MAP9: variants seen among roughly 807,000 people sequenced by gnomAD.
The protein encoded by MAP9 is microtubule associated protein 9.
MAP9 carries 80 observed loss-of-function variants against 75.2 expected under a neutral mutation model. That is an observed-to-expected ratio of 1.06 (90% CI 0.89 to 1.28). The LOEUF (loss-of-function observed/expected upper bound fraction) is 1.28, where lower values mean the gene tolerates loss of function less well. MAP9 is among the 50% of genes most tolerant of loss of function. MAP9 has a pLI of 0.00. For synonymous variants in MAP9, 235 were observed against 237.3 expected (o/e 0.99, Z 0.09); for missense variants, 753 against 719.9 (o/e 1.05, Z -0.53).
In MAP9 at chr4:155,355,888, A is replaced by T; in HGVS notation, c.1122-4T>A. On this transcript the variant is annotated splice_polypyrimidine_tract_variant and splice_region_variant and intron_variant, in intron 8 of 13. Coordinates refer to ENST00000311277, the MANE Select transcript of MAP9 (RefSeq NM_001039580.2). Reference sequence around the variant, plus strand: ...CAAAAACTCAGAGGTCATTAATCTGAAAAGATCCAAATGAATCAAGACAAA... The same window carrying T: ...CAAAAACTCAGAGGTCATTAATCTGTAAAGATCCAAATGAATCAAGACAAA... The T allele has an allele frequency of 6.2e-7, 1 of 1,608,648 alleles. No homozygotes were observed. The highest frequency in any genetic ancestry group is 2.2e-5 in the East Asian group (1 of 44,782).
At chr4:155,372,127 T>C (rs1732626365) in intron 4 of MAP9, among the ~76,000 whole-genome samples, 1 of 152,204 alleles carries the variant, frequency 6.6e-6, no homozygotes, top group South Asian at 2.1e-4. Flanking sequence ...CTGGATATTA[T>C]TCTAGTGTTC....
intron 13 of MAP9, among the ~76,000 whole-genome samples, chr4:155,348,943 A>T (rs541608123): frequency 6.6e-6 from 1 of 152,276 alleles, no homozygotes; most frequent in Non-Finnish European, 1.5e-5. Flanking sequence ...CCCAACACAC[A>T]GATATGGTCC....
At chr4:155,350,286 T>C in intron 13 of MAP9, 1 of 449,814 alleles carries the variant, frequency 2.2e-6, no homozygotes, top group South Asian at 1.6e-5. Context: ...AGAACCGATC[T>C]GTAACATGTA....
intron 3 of MAP9, among the ~76,000 whole-genome samples, chr4:155,374,420 C>T (rs1218038984): frequency 6.6e-6 from 1 of 152,210 alleles, no homozygotes; most frequent in Non-Finnish European, 1.5e-5. Context: ...AATATGTTTA[C>T]ATAGCTAAGA....
chr4:155,356,552 A>C (rs910398176), intron 8 of MAP9, among the ~76,000 whole-genome samples: 1 of 152,176 alleles, frequency 6.6e-6, no homozygotes, highest in East Asian at 1.9e-4. Context: ...CACTCTTTTA[A>C]TATTTTCTTT....
intron 3 of MAP9, among the ~76,000 whole-genome samples, chr4:155,374,054 C>T (rs1732722589): frequency 6.6e-6 from 1 of 152,090 alleles, no homozygotes; most frequent in East Asian, 1.9e-4. Flanking sequence ...AAGAATAAAA[C>T]ACCAGGCCGG....
In MAP9 at chr4:155,346,767, T is replaced by A. The variant is rs1283416973; in HGVS notation, c.*1016A>T. 1 of 152,586 alleles carries A rather than the reference T, an allele frequency of 6.6e-6. No individual in the cohort carries two copies. The highest frequency in any genetic ancestry group is 2.4e-5 in the African/African-American group (1 of 41,446). 9.5% of individuals were successfully genotyped at this position (152,586 alleles called of 1,614,324 possible). A position where few individuals can be genotyped will look rare whatever the true frequency, so the allele number is the denominator to read the frequency against. On this transcript the variant is annotated 3_prime_UTR_variant, in exon 14 of 14. Coordinates refer to ENST00000311277, the MANE Select transcript of MAP9 (RefSeq NM_001039580.2). Reference sequence around the variant, plus strand: ...AACTGACTAATGCATTTCAGCTCCGTGAGCATACACTTGGTCTGTCTTAAA... The same window carrying A: ...AACTGACTAATGCATTTCAGCTCCGAGAGCATACACTTGGTCTGTCTTAAA...
intron 5 of MAP9, among the ~76,000 whole-genome samples, chr4:155,366,177 G>A (rs748928064): frequency 1.3e-4 from 19 of 151,994 alleles, no homozygotes; most frequent in African/African-American, 4.1e-4. Context: ...TGGCTAACGC[G>A]GTGAAACCCC....
Position 155,345,894 on chromosome 4 carries a change from A to C in MAP9, c.*1889T>G, listed in dbSNP as rs1202480662. 3 of 152,138 alleles carry C rather than the reference A, an allele frequency of 2.0e-5. No individual in the cohort carries two copies. Among genetic ancestry groups the C allele is most frequent in the Non-Finnish European group, 4.4e-5 (3 of 68,018 alleles). 9.4% of individuals were successfully genotyped at this position (152,138 alleles called of 1,614,324 possible). On this transcript the variant is annotated 3_prime_UTR_variant, in exon 14 of 14. Transcript: ENST00000311277. ...TCAGCTCTAAACAGCTAATACAATA[A>C]ACACTTTTAATCTATTTTGGCAGGC... is the stretch of plus-strand genomic sequence containing the variant.
At chr4:155,373,514 C>T (rs575212753) in intron 3 of MAP9, 58 bp from the exon 4 acceptor site, 12 of 1,164,868 alleles carry the variant, frequency 1.0e-5, no homozygotes, top group East Asian at 5.3e-5. Flanking sequence ...GTCAAGGTTA[C>T]GTTAACTTAA....
intron 3 of MAP9, 53 bp from the exon 4 acceptor site, chr4:155,373,509 G>T: frequency 8.1e-7 from 1 of 1,230,202 alleles, no homozygotes; most frequent in Non-Finnish European, 1.1e-6. Flanking sequence ...AAATTGTCAA[G>T]GTTACGTTAA....
chr4:155,348,727 G>A (rs1420484483), intron 13 of MAP9, among the ~76,000 whole-genome samples: 1 of 151,950 alleles, frequency 6.6e-6, no homozygotes, highest in Non-Finnish European at 1.5e-5. Flanking sequence ...TTAAATGTAT[G>A]GTATTTGCCT....
At chr4:155,352,275 T>G (rs1731545039) in intron 13 of MAP9, 2 of 242,546 alleles carry the variant, frequency 8.2e-6, no homozygotes, top group South Asian at 1.0e-4. Context: ...AGTAAACTTG[T>G]CTTCTTTCTA....
At chr4:155,375,436 C>G (rs967037764) in intron 2 of MAP9, among the ~76,000 whole-genome samples, 1 of 151,684 alleles carries the variant, frequency 6.6e-6, no homozygotes, top group Admixed American at 6.6e-5. Flanking sequence ...ATATTGCAAA[C>G]TTAGAGGCTG....
rs1315316768 is a variant in MAP9 at position 155,355,750 on chromosome 4, T to C, written c.1256A>G (p.Asp419Gly). ...KPSQKQSIEPDRADNIRAAVY... is the reference protein window; with the variant it reads ...KPSQKQSIEPGRADNIRAAVY... ...AGCTGCCCTTATGTTATCTGCTCTATCAGGTTCTATGCTCTGTTTCTGTGA... is the reference window on the plus strand; with the variant it reads ...AGCTGCCCTTATGTTATCTGCTCTACCAGGTTCTATGCTCTGTTTCTGTGA... Residue 419 changes from aspartate (D) to glycine (G), a missense_variant, in exon 9 of 14, where the codon GAT becomes GGT. Transcript: ENST00000311277. The C allele has an allele frequency of 1.2e-6, 2 of 1,613,694 alleles. No individual in the cohort carries two copies. Among genetic ancestry groups the C allele is most frequent in the Admixed American group, 1.7e-5 (1 of 59,936 alleles).
At chr4:155,375,111 G>T in intron 2 of MAP9, 90 bp from the exon 3 acceptor site, 1 of 915,248 alleles carries the variant, frequency 1.1e-6, no homozygotes, top group Non-Finnish European at 1.6e-6. Context: ...CTTGATTAAC[G>T]ACTGCTTTCA....
chr4:155,364,260 G>C (rs889549326), intron 5 of MAP9, among the ~76,000 whole-genome samples: 1 of 151,864 alleles, frequency 6.6e-6, no homozygotes, highest in African/African-American at 2.4e-5. Flanking sequence ...TGAAAACAAA[G>C]ATGAGACAAA....
rs1369219372 is a variant in MAP9, at chr4:155,344,916, T to C, written c.*2867A>G. On this transcript the variant is annotated 3_prime_UTR_variant, in exon 14 of 14. Coordinates refer to ENST00000311277, the MANE Select transcript of MAP9 (RefSeq NM_001039580.2). The stretch of plus-strand genomic sequence containing the variant: ...TTTGTTTTCTTTACTTTGAGATCTC[T>C]GCATTCTTTAAGTGATCAACGCAAT... The C allele has an allele frequency of 7.2e-5, 11 of 152,122 alleles. No homozygotes were observed. The highest frequency in any genetic ancestry group is 2.6e-4 in the African/African-American group (11 of 41,586). The allele number at this position is 152,122 out of a possible 1,614,324, so 9.4% of individuals were successfully genotyped here.
In MAP9 at chr4:155,346,479, A is replaced by G. The variant is rs1731290522; in HGVS notation, c.*1304T>C. ...GCTACAGAGAAGTGTGAAAAAGAGC[A>G]TAGAGATTTCAGAAGGAGGCAGATT... On this transcript the variant is annotated 3_prime_UTR_variant, in exon 14 of 14. Transcript: ENST00000311277. 6.6e-6 allele frequency: 1 copy of G among 152,172 alleles called. No individual in the cohort carries two copies. The highest frequency in any genetic ancestry group is 2.4e-5 in the African/African-American group (1 of 41,448). The allele number at this position is 152,172 out of a possible 1,614,324, so 9.4% of individuals were successfully genotyped here.
Sources: gnomAD v4.1 joint callset for allele counts (sites outside exome capture counted in the v4.1 genomes callset) on GRCh38, gnomAD v4.1.1 for gene constraint, MANE v1.5 for transcripts, NCBI Gene and HGNC (gene_info 2026-07-23, HGNC 2026-07-21) for gene names.